ARHGEF3: variants seen among roughly 807,000 people sequenced by gnomAD.
ARHGEF3 encodes Rho guanine nucleotide exchange factor 3, also known as 59.8 kDA protein.
ARHGEF3 carries 28 observed loss-of-function variants against 63.2 expected under a neutral mutation model. That is an observed-to-expected ratio of 0.44 (90% CI 0.33 to 0.61). The LOEUF (loss-of-function observed/expected upper bound fraction) is 0.61. ARHGEF3 is among the 20% of genes least tolerant of loss of function. The probability of loss-of-function intolerance (pLI) is 0.03; values close to 1 mark genes in which losing one functional copy is unlikely to be tolerated. For synonymous variants in ARHGEF3, 266 were observed against 254.2 expected, an observed-to-expected ratio of 1.05 and a Z score of -0.44; for missense variants, 533 against 659.3, an observed-to-expected ratio of 0.81 and a Z score of 2.10.
intron 4 of ARHGEF3, among the ~76,000 whole-genome samples, chr3:56,851,034 G>A (rs572288757): frequency 6.6e-5 from 10 of 152,160 alleles, no homozygotes; most frequent in South Asian, 2.1e-4. Flanking sequence ...TCTCTTCACC[G>A]GTTTACCACC....
chr3:56,759,246 C>T (rs1384154131), intron 2 of ARHGEF3, among the ~76,000 whole-genome samples: 8 of 144,222 alleles, frequency 5.5e-5, no homozygotes, highest in African/African-American at 1.8e-4. Context: ...GGCACGATCT[C>T]GGCTCACTGC....
At chr3:56,853,361 A>T (rs554923689) in intron 4 of ARHGEF3, among the ~76,000 whole-genome samples, 1 of 152,248 alleles carries the variant, frequency 6.6e-6, no homozygotes, top group South Asian at 2.1e-4. Flanking sequence ...TTTGAGATGG[A>T]GTTTAGCTCT....
intron 8 of ARHGEF3, 127 bp from the exon 9 acceptor site, chr3:56,732,551 A>T (rs551167571): frequency 9.0e-7 from 1 of 1,106,428 alleles, no homozygotes; most frequent in African/African-American, 1.6e-5. Flanking sequence ...CCTAGGTTCA[A>T]ATCTACCTCC....
At chr3:56,948,152 A>G in intron 3 of ARHGEF3, among the ~76,000 whole-genome samples, 1 of 152,198 alleles carries the variant, frequency 6.6e-6, no homozygotes, top group Admixed American at 6.5e-5. Flanking sequence ...AATTTATAGC[A>G]CTAAATGCCC....
upstream of ARHGEF3, among the ~76,000 whole-genome samples, chr3:56,806,858 C>T (rs938895221): frequency 5.3e-5 from 8 of 151,796 alleles, no homozygotes; most frequent in South Asian, 2.1e-4. Flanking sequence ...GTCCTATTAG[C>T]GTTATATTTT....
intron 8 of ARHGEF3, 41 bp from the exon 9 acceptor site, chr3:56,732,465 G>A: frequency 6.2e-7 from 1 of 1,605,268 alleles, no homozygotes; most frequent in African/African-American, 1.3e-5. Flanking sequence ...AAGCAATAAT[G>A]TAATGAGTGG....
At chr3:56,928,716 C>G (rs2042338072) in intron 3 of ARHGEF3, among the ~76,000 whole-genome samples, 2 of 152,104 alleles carry the variant, frequency 1.3e-5, no homozygotes, top group South Asian at 4.2e-4. Flanking sequence ...GCCTCTGCCC[C>G]CCAGTGAACT....
chr3:56,867,470 TA>T, intron 4 of ARHGEF3, among the ~76,000 whole-genome samples: 1 of 151,752 alleles, frequency 6.6e-6, no homozygotes, highest in African/African-American at 2.4e-5. Context: ...TTTATTTATT[TA>T]TTTATTTATT....
chr3:56,769,655 T>A (rs983134285), intron 2 of ARHGEF3, among the ~76,000 whole-genome samples: 2 of 152,162 alleles, frequency 1.3e-5, no homozygotes, highest in Non-Finnish European at 2.9e-5. Flanking sequence ...AGCCCAGAGC[T>A]CTCCTGATAT....
At chr3:56,827,528 T>A (rs1194152201) in intron 4 of ARHGEF3, among the ~76,000 whole-genome samples, 1 of 151,976 alleles carries the variant, frequency 6.6e-6, no homozygotes, top group Non-Finnish European at 1.5e-5. Flanking sequence ...GTTGCGAGGA[T>A]TAAATGCACA....
chr3:56,928,926 C>T (rs1265922968), intron 3 of ARHGEF3, among the ~76,000 whole-genome samples: 1 of 152,180 alleles, frequency 6.6e-6, no homozygotes, highest in Non-Finnish European at 1.5e-5. Flanking sequence ...GAATGGCCAC[C>T]CTTCCCTCCT....
intron 3 of ARHGEF3, among the ~76,000 whole-genome samples, chr3:56,888,092 T>C (rs1049809433): frequency 3.1e-5 from 4 of 128,360 alleles, no homozygotes; most frequent in African/African-American, 5.7e-5. Context: ...TTCTTGTTTT[T>C]CAAATAAGAG....
intron 4 of ARHGEF3, among the ~76,000 whole-genome samples, chr3:56,833,972 C>T (rs1000176969): frequency 1.1e-4 from 16 of 148,920 alleles, no homozygotes; most frequent in Non-Finnish European, 2.1e-4. Flanking sequence ...GGTGTGATCT[C>T]GGCTCACTGC....
In ARHGEF3 at chr3:56,951,282, A is replaced by G. The variant is rs1030683924; in HGVS notation, c.129+7541T>C. Among the ~76,000 whole-genome samples, 59 of 152,120 alleles carry G rather than the reference A, an allele frequency of 3.9e-4. 2 individuals are homozygous for G. The highest frequency in any genetic ancestry group is 1.4e-3 in the African/African-American group (58 of 41,392). ...ACCCTAAAACTTAAAGTATAAAAAA[A>G]AAAAGAAAGGAAAGAAAAAAAAGAA... On this transcript the variant is annotated intron_variant, in intron 3 of 12. Coordinates refer to the ARHGEF3 transcript ENST00000338458.
At position 56,745,265 on chromosome 3, in the gene ARHGEF3, G is replaced by C; in HGVS notation, c.810C>G (p.Leu270=). The C allele has an allele frequency of 2.5e-6, 4 of 1,614,094 alleles. No individual in the cohort carries two copies. Among genetic ancestry groups the C allele is most frequent in the Non-Finnish European group, 3.4e-6 (4 of 1,180,024 alleles). Residue 270 remains leucine (L), a synonymous_variant, in exon 7 of 10, where the codon CTC becomes CTG. Transcript: ENST00000296315. ...RSRLVKYPLL[L]REILRHTPND... ...TTGGTGTGTGCCTCAAGATTTCTCG[G>C]AGAAGCAGAGGGTATTTTACCAGGC...
intron 8 of ARHGEF3, 21 bp downstream of exon 8, chr3:56,737,164 T>G: frequency 6.2e-7 from 1 of 1,605,836 alleles, no homozygotes; most frequent in East Asian, 2.2e-5. Context: ...ATAAGACTGC[T>G]TAAAGGGAGT....
rs1424088155 is a variant in ARHGEF3, at chr3:56,858,258, A to G, written c.192+24034T>C. 1.7e-4 allele frequency among the ~76,000 whole-genome samples: 26 copies of G among 151,992 alleles called. 1 individual carries two copies. The highest frequency in any genetic ancestry group is 6.6e-5 in the Admixed American group (1 of 15,254). On this transcript the variant is annotated intron_variant, in intron 4 of 12. Transcript: ENST00000338458. ...GACCCTGTCTCAAAAAAAAAAAAAA[A>G]AAAAAAAAGGCTTCTTCTTTCCTTC...
chr3:57,005,749 T>C (rs1402478409), intron 2 of ARHGEF3, among the ~76,000 whole-genome samples: 2 of 152,172 alleles, frequency 1.3e-5, no homozygotes, highest in East Asian at 1.9e-4. Context: ...TTCTCTAATA[T>C]GTAAAAAGCA....
At chr3:57,025,710 G>A (rs988143011) in intron 2 of ARHGEF3, among the ~76,000 whole-genome samples, 2 of 151,954 alleles carry the variant, frequency 1.3e-5, no homozygotes, top group Admixed American at 6.6e-5. Context: ...TGAGTCCTCT[G>A]CCCCTGAAAA....
Sources: allele counts gnomAD v4.1 joint callset (sites outside exome capture counted in the v4.1 genomes callset), GRCh38; gene constraint gnomAD v4.1.1; transcripts MANE v1.5; gene names NCBI Gene and HGNC (gene_info 2026-07-23, HGNC 2026-07-21).